The following TASP1 variants were observed in gnomAD, a reference collection of about 807,000 sequenced individuals.
The protein encoded by TASP1 is taspase 1, also known as threonine aspartase 1.
Under a neutral mutation model 56.6 loss-of-function variants are expected in TASP1, and 16 were observed. The observed-to-expected ratio is 0.28, with a 90% CI of 0.19 to 0.43. The LOEUF is 0.43. TASP1 is among the 20% of genes least tolerant of loss of function. The probability of loss-of-function intolerance (pLI) is 1.00; values close to 1 mark genes in which losing one functional copy is unlikely to be tolerated. For synonymous variants in TASP1, 179 were observed against 184.2 expected, an observed-to-expected ratio of 0.97 and a Z score of 0.23; for missense variants, 393 against 511.6, an observed-to-expected ratio of 0.77 and a Z score of 2.24.
At chr20:13,338,443 T>A in the TASP1 span, among the ~76,000 whole-genome samples, 1 of 152,166 alleles carries the variant, frequency 6.6e-6, no homozygotes, top group Non-Finnish European at 1.5e-5. Context: ...TCCTAGCCCA[T>A]CCTGTGACTT....
chr20:13,199,567 G>A, the TASP1 span, among the ~76,000 whole-genome samples: 1 of 152,150 alleles, frequency 6.6e-6, no homozygotes, highest in African/African-American at 2.4e-5. Context: ...TTGAAGGAAA[G>A]GACCACTTTT....
the TASP1 span, among the ~76,000 whole-genome samples, chr20:13,287,260 G>A: frequency 1.3e-5 from 2 of 152,192 alleles, no homozygotes; most frequent in South Asian, 2.1e-4. Context: ...AGAGCAAAGG[G>A]ACATCTTACA....
At chr20:13,162,172 A>T in the TASP1 span, among the ~76,000 whole-genome samples, 1 of 152,196 alleles carries the variant, frequency 6.6e-6, no homozygotes, top group Non-Finnish European at 1.5e-5. Context: ...AAAATGTAGA[A>T]GGCTTGAGCA....
intron 10 of TASP1, among the ~76,000 whole-genome samples, chr20:13,495,124 C>T (rs761240349): frequency 3.1e-4 from 47 of 151,968 alleles, no homozygotes; most frequent in Admixed American, 7.9e-4. Context: ...AACTACTGAG[C>T]CAGCCACATA....
chr20:13,268,542 G>A, the TASP1 span, among the ~76,000 whole-genome samples: 1 of 152,176 alleles, frequency 6.6e-6, no homozygotes, highest in Non-Finnish European at 1.5e-5. Flanking sequence ...GGTGAACAAA[G>A]ACACTGCCCC....
At chr20:13,321,052 A>G in the TASP1 span, among the ~76,000 whole-genome samples, 1 of 151,832 alleles carries the variant, frequency 6.6e-6, no homozygotes, top group South Asian at 2.1e-4. Flanking sequence ...CACAAAAATT[A>G]GCCAGGCATG....
chr20:13,395,275 G>C (rs1341562019), intron 13 of TASP1, among the ~76,000 whole-genome samples: 1 of 152,208 alleles, frequency 6.6e-6, no homozygotes, highest in Non-Finnish European at 1.5e-5. Context: ...CTAGGGTAAA[G>C]TTGTTTGCAT....
At chr20:13,581,178 G>A (rs2047113367) in intron 5 of TASP1, among the ~76,000 whole-genome samples, 197 bp from the exon 6 acceptor site, 1 of 152,038 alleles carries the variant, frequency 6.6e-6, no homozygotes, top group South Asian at 2.1e-4. Context: ...TGAAAACCTA[G>A]AAGAAAAGAA....
At chr20:13,126,295 A>G in the TASP1 span, among the ~76,000 whole-genome samples, 1 of 152,226 alleles carries the variant, frequency 6.6e-6, no homozygotes, top group Non-Finnish European at 1.5e-5. Context: ...TAGGTACTCA[A>G]CAAATGCTTC....
At chr20:13,155,475 A>G in the TASP1 span, among the ~76,000 whole-genome samples, 1 of 152,188 alleles carries the variant, frequency 6.6e-6, no homozygotes, top group Non-Finnish European at 1.5e-5. Context: ...CCTAAAAGAC[A>G]GATTCTTCAG....
At chr20:13,112,428 C>T in the TASP1 span, among the ~76,000 whole-genome samples, 1 of 152,222 alleles carries the variant, frequency 6.6e-6, no homozygotes, top group Admixed American at 6.5e-5. Flanking sequence ...GGCACTGAGA[C>T]ATTATCACTT....
At chr20:13,136,516 C>G in the TASP1 span, among the ~76,000 whole-genome samples, 1 of 151,654 alleles carries the variant, frequency 6.6e-6, no homozygotes, top group African/African-American at 2.4e-5. Flanking sequence ...GGGAGGATCA[C>G]TTGACCCTAG....
the TASP1 span, among the ~76,000 whole-genome samples, chr20:13,206,881 T>A: frequency 6.6e-6 from 1 of 152,304 alleles, no homozygotes; most frequent in African/African-American, 2.4e-5. Flanking sequence ...CACATAGAAT[T>A]TTCAAATTTG....
chr20:13,114,075 G>A, the TASP1 span, among the ~76,000 whole-genome samples: 2 of 152,190 alleles, frequency 1.3e-5, no homozygotes, highest in South Asian at 2.1e-4. Flanking sequence ...ATGGGACAAA[G>A]GCTCAATGTA....
At chr20:13,220,511 C>T in the TASP1 span, among the ~76,000 whole-genome samples, 2 of 152,330 alleles carry the variant, frequency 1.3e-5, no homozygotes. Context: ...ATGAGCCCCC[C>T]ACAGAGGCAA....
At chr20:13,414,683 G>A (rs1316019080) in intron 13 of TASP1, among the ~76,000 whole-genome samples, 1 of 152,084 alleles carries the variant, frequency 6.6e-6, no homozygotes, top group Non-Finnish European at 1.5e-5. Context: ...ATCTGGGTAG[G>A]ATACGGACAA....
chr20:13,256,234 A>G, the TASP1 span, among the ~76,000 whole-genome samples: 1 of 151,548 alleles, frequency 6.6e-6, no homozygotes, highest in Non-Finnish European at 1.5e-5. Flanking sequence ...CATTTTTACT[A>G]AAAACACAAA....
chr20:13,249,981 A>C, the TASP1 span, among the ~76,000 whole-genome samples: 58 of 152,310 alleles, frequency 3.8e-4, no homozygotes, highest in Non-Finnish European at 6.6e-4. Flanking sequence ...ATCCAGGAGG[A>C]GGCCCAAGAA....
intron 11 of TASP1, among the ~76,000 whole-genome samples, chr20:13,470,151 T>C (rs2044434021): frequency 6.6e-6 from 1 of 152,114 alleles, no homozygotes; most frequent in Admixed American, 6.6e-5. Context: ...TTGAGTATTA[T>C]CTCTCTAATC....
Sources: gnomAD v4.1 joint callset for allele counts (sites outside exome capture counted in the v4.1 genomes callset) on GRCh38, gnomAD v4.1.1 for gene constraint, MANE v1.5 for transcripts, NCBI Gene and HGNC (gene_info 2026-07-23, HGNC 2026-07-21) for gene names.